PTPN13: variants seen among roughly 807,000 people sequenced by gnomAD.
PTPN13 encodes protein tyrosine phosphatase non-receptor type 13.
PTPN13 carries 191 observed loss-of-function variants against 284.0 expected under a neutral mutation model. The ratio of observed to expected loss-of-function variants is 0.67; its 90% CI spans 0.60 to 0.76. The LOEUF is 0.76. PTPN13 is among the 30% of genes least tolerant of loss of function. PTPN13 has a pLI of 0.00. For missense variants in PTPN13, 2,797 were observed against 2,939.9 expected (o/e 0.95, Z 1.12); for synonymous variants, 986 against 1,022.3 (o/e 0.96, Z 0.68).
intron 2 of PTPN13, among the ~76,000 whole-genome samples, chr4:86,670,503 G>A (rs1307263737): frequency 6.6e-6 from 1 of 151,650 alleles, no homozygotes; most frequent in Admixed American, 6.6e-5. Context: ...TCCACATCCA[G>A]TCTGTCAGGA....
At chr4:86,666,461 G>A (rs1727091622) in intron 2 of PTPN13, among the ~76,000 whole-genome samples, 1 of 151,862 alleles carries the variant, frequency 6.6e-6, no homozygotes, top group African/African-American at 2.4e-5. Flanking sequence ...GTGGACCTGT[G>A]GTATAGACTT....
chr4:86,801,429 G>GT (rs1042227532), intron 42 of PTPN13, among the ~76,000 whole-genome samples: 6 of 152,134 alleles, frequency 3.9e-5, no homozygotes, highest in Admixed American at 2.6e-4. Context: ...AGTTCCTGAG[G>GT]TTTTTTTGGG....
intron 8 of PTPN13, among the ~76,000 whole-genome samples, 180 bp downstream of exon 8, chr4:86,716,805 CAAAT>C (rs1187837689): frequency 6.6e-6 from 1 of 152,158 alleles, no homozygotes; most frequent in Non-Finnish European, 1.5e-5. Context: ...GCAGTTTCTT[CAAAT>C]AACGATGTAG....
chr4:86,677,005 C>G (rs778479259), intron 3 of PTPN13, among the ~76,000 whole-genome samples: 1 of 152,114 alleles, frequency 6.6e-6, no homozygotes, highest in Non-Finnish European at 1.5e-5. Flanking sequence ...CGGTGGCTCA[C>G]GCCTGTAATC....
At chr4:86,753,355 A>G (rs1270526623) in intron 20 of PTPN13, among the ~76,000 whole-genome samples, 1 of 152,116 alleles carries the variant, frequency 6.6e-6, no homozygotes, top group Non-Finnish European at 1.5e-5. Context: ...TGAGGCAGTT[A>G]TTTTAAAGGG....
chr4:86,775,822 A>G (rs2149288781), intron 35 of PTPN13, among the ~76,000 whole-genome samples, 170 bp downstream of exon 35: 1 of 152,362 alleles, frequency 6.6e-6, no homozygotes, highest in South Asian at 2.1e-4. Context: ...TGAGAACACT[A>G]AGTGAATAAT....
intron 44 of PTPN13, among the ~76,000 whole-genome samples, chr4:86,806,253 A>G (rs1467660906): frequency 2.6e-5 from 4 of 152,026 alleles, no homozygotes; most frequent in African/African-American, 9.7e-5. Context: ...TTAATTATGT[A>G]TGAATGTGTG....
chr4:86,718,499 G>A (rs772462296), intron 9 of PTPN13, among the ~76,000 whole-genome samples: 1 of 148,174 alleles, frequency 6.7e-6, no homozygotes, highest in South Asian at 2.1e-4. Context: ...TGCCCAGACT[G>A]TAATGCAGTG....
chr4:86,749,708 A>G (rs1347926931), intron 17 of PTPN13, among the ~76,000 whole-genome samples: 1 of 152,194 alleles, frequency 6.6e-6, no homozygotes, highest in East Asian at 1.9e-4. Context: ...AAGAAATTGA[A>G]GCATAAAGAG....
intron 10 of PTPN13, among the ~76,000 whole-genome samples, chr4:86,725,249 G>A (rs1170412189): frequency 1.4e-5 from 2 of 141,656 alleles, no homozygotes; most frequent in Admixed American, 7.1e-5. Context: ...TCATGTCTTC[G>A]CTATTGTGAA....
At position 86,701,316 on chromosome 4, in the gene PTPN13, T is replaced by G. The variant is rs781694364; in HGVS notation, c.710T>G (p.Leu237Arg). The G allele has an allele frequency of 6.2e-7, 1 of 1,612,578 alleles. No individual in the cohort carries two copies. The highest frequency in any genetic ancestry group is 1.7e-5 in the Admixed American group (1 of 59,904). The stretch of plus-strand genomic sequence containing the variant: ...CATCAGACCTTTCTTAACAAAGGGC[T>G]TAGTAAATCTATGGGATTTCTGTCC... Reference protein sequence around the residue: ...LSHQTFLNKGLSKSMGFLSIK... With the variant: ...LSHQTFLNKGRSKSMGFLSIK... Residue 237 changes from leucine to arginine, a missense_variant, in exon 7 of 48, where the codon CTT (leucine) becomes CGT (arginine). Physicochemically the swap from Leu to Arg is moderately radical, Grantham distance 102. Coordinates refer to ENST00000411767, the MANE Select transcript of PTPN13 (RefSeq NM_080683.3).
At chr4:86,726,375 T>C (rs1734256114) in intron 10 of PTPN13, among the ~76,000 whole-genome samples, 1 of 149,532 alleles carries the variant, frequency 6.7e-6, no homozygotes, top group African/African-American at 2.4e-5. Context: ...GGTAGTCTGA[T>C]GGGGATGGTA....
intron 47 of PTPN13, 135 bp downstream of exon 47, chr4:86,811,243 G>A (rs1459256485): frequency 2.4e-5 from 17 of 696,984 alleles, no homozygotes; most frequent in Middle Eastern, 3.3e-4. Context: ...TGCAGTGAGG[G>A]GCATTTTTTT....
At chr4:86,752,971 C>T (rs754732564) in intron 19 of PTPN13, 38 bp from the exon 20 acceptor site, 12 of 1,456,426 alleles carry the variant, frequency 8.2e-6, no homozygotes, top group Admixed American at 5.4e-5. Flanking sequence ...AGCATCTGAC[C>T]ATCTTATGAA....
chr4:86,785,392 T>C, intron 39 of PTPN13, 24 bp downstream of exon 39: 1 of 1,592,918 alleles, frequency 6.3e-7, no homozygotes, highest in Non-Finnish European at 8.5e-7. Context: ...ATGAATAAAT[T>C]GGTATACTAT....
chr4:86,669,186 G>A (rs544723220), intron 2 of PTPN13, among the ~76,000 whole-genome samples: 3 of 148,596 alleles, frequency 2.0e-5, no homozygotes, highest in South Asian at 2.1e-4. Flanking sequence ...TTTTTTCTTA[G>A]ATACCTAATA....
chr4:86,677,180 T>C (rs186281175), intron 3 of PTPN13, among the ~76,000 whole-genome samples: 2,826 of 151,726 alleles, frequency 0.019, 51 homozygotes, highest in Non-Finnish European at 0.03. Context: ...GGCAGGAGAA[T>C]GGCGTGAACC....
chr4:86,627,960 T>C (rs1722028698), intron 1 of PTPN13, among the ~76,000 whole-genome samples: 1 of 152,190 alleles, frequency 6.6e-6, no homozygotes, highest in South Asian at 2.1e-4. Context: ...TCCATTCACC[T>C]GTTGATAGAT....
At chr4:86,794,841 C>A (rs562137772) in intron 40 of PTPN13, among the ~76,000 whole-genome samples, 7 of 152,160 alleles carry the variant, frequency 4.6e-5, no homozygotes, top group African/African-American at 1.7e-4. Context: ...AACTGGCTGG[C>A]CATATGTAGA....
Sources: allele counts gnomAD v4.1 joint callset (sites outside exome capture counted in the v4.1 genomes callset), GRCh38; gene constraint gnomAD v4.1.1; transcripts MANE v1.5; gene names NCBI Gene and HGNC (gene_info 2026-07-23, HGNC 2026-07-21).